Variants in ZC2HC1C observed in about 807,000 individuals in gnomAD.
ZC2HC1C encodes zinc finger C2HC-type containing 1C, also known as zinc finger C2HC domain-containing protein 1C.
Under a neutral mutation model 39.2 loss-of-function variants are expected in ZC2HC1C, and 25 were observed. That is an observed-to-expected ratio of 0.64 (90% CI 0.47 to 0.89). The LOEUF (loss-of-function observed/expected upper bound fraction) is 0.89, where lower values mean the gene tolerates loss of function less well. ZC2HC1C is among the 40% of genes least tolerant of loss of function. The probability of loss-of-function intolerance (pLI) is 0.00; values close to 1 mark genes in which losing one functional copy is unlikely to be tolerated. For synonymous variants in ZC2HC1C, 209 were observed against 214.4 expected (o/e 0.97, Z 0.22); for missense variants, 519 against 548.6 (o/e 0.95, Z 0.54).
intron 1 of ZC2HC1C, 82 bp from the exon 2 acceptor site, chr14:75,070,473 A>T: frequency 6.8e-7 from 1 of 1,474,588 alleles, no homozygotes; most frequent in Non-Finnish European, 9.1e-7. Context: ...GGGCAGGGCA[A>T]ATGTAGAAAT....
At position 75,070,779 on chromosome 14, in the gene ZC2HC1C, A is replaced by G; in HGVS notation, c.206A>G (p.Tyr69Cys). The change falls in exon 2 of 3, where the codon TAT (tyrosine) becomes TGT (cysteine). Residue 69 changes from tyrosine to cysteine, a missense_variant. By Grantham distance (194) the Tyr-to-Cys change is radical (BLOSUM62 -2). Transcript: ENST00000524913. ...SNKELILDKVYTHPKWNTQTK... is the reference protein window; with the variant it reads ...SNKELILDKVCTHPKWNTQTK... ...AAAGAGTTGATTCTGGATAAAGTCT[A>G]TACTCACCCCAAATGGAACACCCAA... 4.3e-6 allele frequency: 7 copies of G among 1,614,192 alleles called. No individual in the cohort carries two copies. Among genetic ancestry groups the G allele is most frequent in the Non-Finnish European group, 5.9e-6 (7 of 1,180,026 alleles).
At position 75,070,914 on chromosome 14, in the gene ZC2HC1C, A is replaced by T. The variant is rs1174717883; in HGVS notation, c.341A>T (p.Gln114Leu). Residue 114 changes from glutamine (Q) to leucine (L), a missense_variant, in exon 2 of 3, where the codon CAA becomes CTA. Physicochemically the swap from Gln to Leu is moderately radical, Grantham distance 113. Coordinates refer to ENST00000524913, the MANE Select transcript of ZC2HC1C (RefSeq NM_024643.4). ...GNGLFYSSGP[Q>L]SWYPKANNQD... ...GGTTTGTTTTACTCGTCAGGCCCTC[A>T]ATCCTGGTATCCCAAAGCCAATAAC... The T allele has an allele frequency of 1.2e-6, 2 of 1,614,216 alleles. No individual in the cohort carries two copies. Among genetic ancestry groups the T allele is most frequent in the African/African-American group, 1.3e-5 (1 of 75,062 alleles).
At chr14:75,077,455 C>G in intron 2 of ZC2HC1C, 77 bp from the exon 3 acceptor site, 1 of 1,576,146 alleles carries the variant, frequency 6.3e-7, no homozygotes, top group Non-Finnish European at 8.7e-7. Flanking sequence ...TTTTCATTTT[C>G]TTACTGTTAT....
chr14:75,077,705 C>G lies in ZC2HC1C; in HGVS notation c.*141C>G. 2.1e-6 allele frequency: 2 copies of G among 970,642 alleles called. No homozygotes were observed. Among genetic ancestry groups the G allele is most frequent in the Non-Finnish European group, 3.1e-6 (2 of 641,728 alleles). The allele number at this position is 970,642 out of a possible 1,614,324, so 60.1% of individuals were successfully genotyped here. The stretch of plus-strand genomic sequence containing the variant: ...GCATTCAGTGTCCTCAGTGTAGCCA[C>G]CACTTTGCTCCCAAGGTGGCTGAGC... On this transcript the variant is annotated 3_prime_UTR_variant, in exon 3 of 3. Coordinates refer to ENST00000524913, the MANE Select transcript of ZC2HC1C (RefSeq NM_024643.4).
In ZC2HC1C at chr14:75,077,791, G is replaced by C; in HGVS notation, c.*227G>C. On this transcript the variant is annotated 3_prime_UTR_variant, in exon 3 of 3. Coordinates refer to ENST00000524913, the MANE Select transcript of ZC2HC1C (RefSeq NM_024643.4). The stretch of plus-strand genomic sequence containing the variant: ...CTTCCACCTCTAAGGAAGCATTATA[G>C]TTGAGCAGACAACAATGGAAACTTT... 10 of 563,544 alleles carry C rather than the reference G, an allele frequency of 1.8e-5. No individual in the cohort carries two copies. The South Asian group carries it at 2.2e-4, about 12-fold the overall frequency. 34.9% of individuals were successfully genotyped at this position (563,544 alleles called of 1,614,324 possible).
In ZC2HC1C at chr14:75,071,036, G is replaced by T; in HGVS notation, c.463G>T (p.Ala155Ser). ...VHRKSCSTGE[A>S]GTDGDHNVYP... Reference sequence around the variant, plus strand: ...CAGGAAGTCGTGCAGTACAGGTGAGGCTGGCACTGATGGGGACCATAATGT... The same window carrying T: ...CAGGAAGTCGTGCAGTACAGGTGAGTCTGGCACTGATGGGGACCATAATGT... The change falls in exon 2 of 3, where the codon GCT becomes TCT. Residue 155 changes from alanine to serine, a missense_variant. Transcript: ENST00000524913. 1 of 1,614,228 alleles carries T rather than the reference G, an allele frequency of 6.2e-7. No homozygotes were observed. The highest frequency in any genetic ancestry group is 2.2e-5 in the East Asian group (1 of 44,882).
intron 2 of ZC2HC1C, among the ~76,000 whole-genome samples, chr14:75,075,615 AC>A (rs1346625364): frequency 1.3e-5 from 2 of 152,158 alleles, no homozygotes; most frequent in Non-Finnish European, 2.9e-5. Flanking sequence ...ATTACAAGAA[AC>A]CTTTTTTTTT....
chr14:75,075,307 T>C (rs1893618152), intron 2 of ZC2HC1C, among the ~76,000 whole-genome samples: 1 of 152,230 alleles, frequency 6.6e-6, no homozygotes, highest in Non-Finnish European at 1.5e-5. Flanking sequence ...ACTCATTCTC[T>C]TGGAACTTCT....
Position 75,071,647 on chromosome 14 carries a change from C to T in ZC2HC1C, c.1074C>T (p.Val358=), listed in dbSNP as rs371068253. The change falls in exon 2 of 3, where the codon GTC becomes GTT. Residue 358 remains valine (V), a synonymous_variant. Coordinates refer to ENST00000524913, the MANE Select transcript of ZC2HC1C (RefSeq NM_024643.4). The stretch of plus-strand genomic sequence containing the variant: ...TCTCCCCGCCTTCAGAAACACCAGT[C>T]GGTGCTTTGCAGGGATCCGCCAGAA... ...EKFSPPSETP[V]GALQGSARNS... 22 of 1,614,060 alleles carry T rather than the reference C, an allele frequency of 1.4e-5. No individual in the cohort carries two copies. The highest frequency in any genetic ancestry group is 3.3e-4 in the Middle Eastern group (2 of 6,084).
intron 2 of ZC2HC1C, among the ~76,000 whole-genome samples, chr14:75,072,821 A>G (rs564678755): frequency 6.6e-6 from 1 of 152,346 alleles, no homozygotes; most frequent in African/African-American, 2.4e-5. Context: ...TTAGTGTTAT[A>G]TTAGGAAAAT....
chr14:75,071,298 A>T lies in ZC2HC1C; in HGVS notation c.725A>T (p.Glu242Val). 6.2e-7 allele frequency: 1 copy of T among 1,614,180 alleles called. No homozygotes were observed. Among genetic ancestry groups the T allele is most frequent in the East Asian group, 2.2e-5 (1 of 44,884 alleles). Residue 242 changes from glutamate to valine, a missense_variant, in exon 2 of 3, where the codon GAG becomes GTG. Physicochemically the swap from Glu to Val is moderately radical, Grantham distance 121. Coordinates refer to ENST00000524913, the MANE Select transcript of ZC2HC1C (RefSeq NM_024643.4). ...ILLRGKLKKTEEELRRIQTQK... is the reference protein window; with the variant it reads ...ILLRGKLKKTVEELRRIQTQK... ...CTGAGGGGAAAGCTGAAGAAGACAG[A>T]GGAGGAACTCAGAAGGATCCAGACG...
At chr14:75,070,136 T>C (rs1056685210) in intron 1 of ZC2HC1C, among the ~76,000 whole-genome samples, 1 of 152,056 alleles carries the variant, frequency 6.6e-6, no homozygotes, top group Admixed American at 6.5e-5. Context: ...ACCTGTAAAA[T>C]GGTGAGGCTG....
At chr14:75,072,938 G>A (rs1893493067) in intron 2 of ZC2HC1C, among the ~76,000 whole-genome samples, 1 of 152,182 alleles carries the variant, frequency 6.6e-6, no homozygotes, top group Non-Finnish European at 1.5e-5. Context: ...GTTTGGGAAA[G>A]CGTAGATCAT....
At chr14:75,074,204 G>C (rs751707355) in intron 2 of ZC2HC1C, among the ~76,000 whole-genome samples, 1 of 152,094 alleles carries the variant, frequency 6.6e-6, no homozygotes, top group Non-Finnish European at 1.5e-5. Flanking sequence ...CACCGTGCCT[G>C]GTCTTCGAAT....
Position 75,077,764 on chromosome 14 carries a change from G to A in ZC2HC1C, c.*200G>A. On this transcript the variant is annotated 3_prime_UTR_variant, in exon 3 of 3. Transcript: ENST00000524913. Reference sequence around the variant, plus strand: ...CCCAAGTGTAAGACCATCAAGAACTGTCTTCCACCTCTAAGGAAGCATTAT... The same window carrying A: ...CCCAAGTGTAAGACCATCAAGAACTATCTTCCACCTCTAAGGAAGCATTAT... 1 of 610,644 alleles carries A rather than the reference G, an allele frequency of 1.6e-6. No homozygotes were observed. The highest frequency in any genetic ancestry group is 2.9e-6 in the Non-Finnish European group (1 of 345,902). The allele number at this position is 610,644 out of a possible 1,614,324, so 37.8% of individuals were successfully genotyped here. A position where few individuals can be genotyped will look rare whatever the true frequency, so the allele number is the denominator to read the frequency against.
chr14:75,074,033 C>T (rs980165293), intron 2 of ZC2HC1C, among the ~76,000 whole-genome samples: 5 of 152,112 alleles, frequency 3.3e-5, no homozygotes, highest in Non-Finnish European at 7.4e-5. Context: ...CCTCAGTCTC[C>T]TGAGTAGCTG....
chr14:75,070,528 C>T, intron 1 of ZC2HC1C, 27 bp from the exon 2 acceptor site: 3 of 1,547,098 alleles, frequency 1.9e-6, no homozygotes, highest in Non-Finnish European at 1.7e-6. Flanking sequence ...AAACTCTTCC[C>T]GTGTATCTGG....
At position 75,077,550 on chromosome 14, in the gene ZC2HC1C, A is replaced by G; in HGVS notation, c.1357A>G (p.Ser453Gly). Residue 453 changes from serine (S) to glycine (G), a missense_variant, in exon 3 of 3, where the codon AGC becomes GGC. Physicochemically the swap from Ser to Gly is moderately conservative, Grantham distance 56. Coordinates refer to ENST00000524913, the MANE Select transcript of ZC2HC1C (RefSeq NM_024643.4). ...ATTACAGGCTGAACCTCCTCAGAAG[A>G]GCAACTGGAGATAGAAGCATGAATC... is the stretch of plus-strand genomic sequence containing the variant. The part of the protein sequence containing the change: ...ASAKAEPPQK[S>G]NWR 1.2e-6 allele frequency: 2 copies of G among 1,614,188 alleles called. No individual in the cohort carries two copies. The highest frequency in any genetic ancestry group is 1.7e-6 in the Non-Finnish European group (2 of 1,180,038).
At chr14:75,074,058 C>T (rs894827774) in intron 2 of ZC2HC1C, among the ~76,000 whole-genome samples, 10 of 151,990 alleles carry the variant, frequency 6.6e-5, no homozygotes, top group African/African-American at 1.7e-4. Context: ...TACAGGTGCC[C>T]GCCACCACAC....
Sources: allele counts gnomAD v4.1 joint callset (sites outside exome capture counted in the v4.1 genomes callset), GRCh38; gene constraint gnomAD v4.1.1; transcripts MANE v1.5; gene names NCBI Gene and HGNC (gene_info 2026-07-23, HGNC 2026-07-21).